Variants in SMG8 observed in about 807,000 individuals in gnomAD.
SMG8 encodes the protein SMG8 nonsense mediated mRNA decay factor.
In SMG8, 49 loss-of-function variants were observed where a neutral mutation model predicts 82.1. The ratio of observed to expected loss-of-function variants is 0.60; its 90% CI spans 0.47 to 0.76. The LOEUF (loss-of-function observed/expected upper bound fraction) is 0.76. Among genes scored for constraint, SMG8 ranks in the 30% least tolerant of loss-of-function variants. SMG8 has a pLI of 0.00. For missense variants in SMG8, 969 were observed against 1,166.4 expected, an observed-to-expected ratio of 0.83 and a Z score of 2.46; for synonymous variants, 404 against 430.0, an observed-to-expected ratio of 0.94 and a Z score of 0.75.
rs138640712 is a variant in SMG8, at chr17:59,214,831, G to T, written c.2805G>T (p.Pro935=). The change falls in exon 4 of 4, where the codon CCG becomes CCT. Residue 935 remains proline (P), a synonymous_variant. Coordinates refer to ENST00000300917, the MANE Select transcript of SMG8 (RefSeq NM_018149.7). ...TTCAGCCAGGCCCACCACCATGTCC[G>T]GTATTCTACCCAGAAAAACAAGAAA... ...PQVQPGPPPC[P]VFYPEKQEIT... is the part of the protein sequence containing the mutation. The T allele has an allele frequency of 5.7e-6, 5 of 872,898 alleles. No individual in the cohort carries two copies. The highest frequency in any genetic ancestry group is 1.0e-5 in the Non-Finnish European group (5 of 501,678). The allele number at this position is 872,898 out of a possible 1,614,324, so 54.1% of individuals were successfully genotyped here.
At position 59,215,147 on chromosome 17, in the gene SMG8, G is replaced by A. The variant is rs1451533703; in HGVS notation, c.*145G>A. 1.7e-6 allele frequency: 1 copy of A among 578,416 alleles called. No individual in the cohort carries two copies. The highest frequency in any genetic ancestry group is 3.1e-6 in the Non-Finnish European group (1 of 326,194). 35.8% of individuals were successfully genotyped at this position (578,416 alleles called of 1,614,324 possible). A position where few individuals can be genotyped will look rare whatever the true frequency, so the allele number is the denominator to read the frequency against. On this transcript the variant is annotated 3_prime_UTR_variant, in exon 4 of 4. Coordinates refer to ENST00000300917, the MANE Select transcript of SMG8 (RefSeq NM_018149.7). ...GAGTTCAGTATTTGGAAACTAATTT[G>A]TTCTACTTTTTCATTATATTGTTGA...
Position 59,212,824 on chromosome 17 carries a change from C to T in SMG8, c.2001C>T (p.Ser667=). The change falls in exon 3 of 4, where the codon TCC becomes TCT. Residue 667 remains serine, a synonymous_variant. Coordinates refer to ENST00000300917, the MANE Select transcript of SMG8 (RefSeq NM_018149.7). The part of the protein sequence containing the change: ...TPDPAPAKNE[S]SPAPPDSDAD... ...ATCCTGCTCCTGCTAAAAATGAATC[C>T]TCTCCTGCTCCTCCAGATTCGGATG... The T allele has an allele frequency of 1.2e-6, 2 of 1,614,010 alleles. No homozygotes were observed. The highest frequency in any genetic ancestry group is 2.2e-5 in the South Asian group (2 of 91,084).
rs2046940801 is a variant in SMG8 at position 59,210,504 on chromosome 17, TCTC to T, written c.457_459del (p.Leu153del). The T allele has an allele frequency of 1.9e-6, 3 of 1,567,922 alleles. No homozygotes were observed. Among genetic ancestry groups the T allele is most frequent in the Admixed American group, 2.0e-5 (1 of 51,252 alleles). ...GTCAGGAAAGCAAAGTTCTGTATCT[TCTC>T]CTCACCTCCATCTGTGACAATTCAC... On this transcript the variant is annotated inframe_deletion, in exon 1 of 4. Coordinates refer to ENST00000300917, the MANE Select transcript of SMG8 (RefSeq NM_018149.7).
At position 59,210,800 on chromosome 17, in the gene SMG8, T is replaced by C; in HGVS notation, c.749T>C (p.Val250Ala). ...AAAACAGCCATTAAGGATTGTCCAG[T>C]TGGCAAAGACTGGAAGCTAAACTGC... ...LLKTAIKDCPVGKDWKLNCRP... is the reference protein window; with the variant it reads ...LLKTAIKDCPAGKDWKLNCRP... The change falls in exon 1 of 4, where the codon GTT becomes GCT. Residue 250 changes from valine to alanine, a missense_variant. Val to Ala is a moderately conservative substitution (Grantham distance 64). Coordinates refer to ENST00000300917, the MANE Select transcript of SMG8 (RefSeq NM_018149.7). The C allele has an allele frequency of 6.2e-7, 1 of 1,614,184 alleles. No homozygotes were observed. The highest frequency in any genetic ancestry group is 8.5e-7 in the Non-Finnish European group (1 of 1,180,050).
rs2046937782 is a variant in SMG8, at chr17:59,210,069, C to CT, written c.20dup (p.Leu7PhefsTer15). 3.2e-6 allele frequency: 5 copies of CT among 1,564,928 alleles called. No homozygotes were observed. The highest frequency in any genetic ancestry group is 4.3e-6 in the Non-Finnish European group (5 of 1,160,248). ...TCTGCACTATGGCTGGTCCCGTGAG[C>CT]TTGCGAGACCTTCTAATGGGAGCAT... is the stretch of plus-strand genomic sequence containing the variant. On this transcript the variant is annotated frameshift_variant, in exon 1 of 4. Transcript: ENST00000300917. LOFTEE classifies it high-confidence loss of function.
Position 59,210,476 on chromosome 17 carries a change from A to G in SMG8, c.425A>G (p.Tyr142Cys), listed in dbSNP as rs373924244. Residue 142 changes from tyrosine to cysteine, a missense_variant, in exon 1 of 4, where the codon TAC becomes TGC. This residue lies in a region of SMG8 where 206 missense variants were observed against 190.5 expected (regional missense o/e 1.08). Transcript: ENST00000300917. The stretch of plus-strand genomic sequence containing the variant: ...GACTACAGCCTTCTGCAGGCCTACT[A>G]CAGTCAGGAAAGCAAAGTTCTGTAT... ...SQDYSLLQAYYSQESKVLYLL... is the reference protein window; with the variant it reads ...SQDYSLLQAYCSQESKVLYLL... 1 of 1,586,266 alleles carries G rather than the reference A, an allele frequency of 6.3e-7. No individual in the cohort carries two copies. The highest frequency in any genetic ancestry group is 1.2e-5 in the South Asian group (1 of 86,518).
At position 59,212,334 on chromosome 17, in the gene SMG8, T is replaced by G. The variant is rs750953727; in HGVS notation, c.1760-7T>G. ...ATGAAATTAATAGTGGCTGTTATAT[T>G]TTCCAGGAGAAAAACCAGAGGCTGA... On this transcript the variant is annotated splice_region_variant and splice_polypyrimidine_tract_variant and intron_variant, in intron 1 of 3. Coordinates refer to ENST00000300917, the MANE Select transcript of SMG8 (RefSeq NM_018149.7). 8 of 1,554,224 alleles carry G rather than the reference T, an allele frequency of 5.1e-6. 1 individual carries two copies. In the South Asian group the frequency reaches 9.7e-5, roughly 19 times the overall value.
rs149250828 is a variant in SMG8 at position 59,211,714 on chromosome 17, T to A, written c.1663T>A (p.Cys555Ser). The change falls in exon 1 of 4, where the codon TGC becomes AGC. Residue 555 changes from cysteine to serine, a missense_variant. Physicochemically the swap from Cys to Ser is moderately radical, Grantham distance 112 (BLOSUM62 -1). Coordinates refer to ENST00000300917, the MANE Select transcript of SMG8 (RefSeq NM_018149.7). ...ATACGCCATGCAGTTACATGAGGAC[T>A]GCTACAAATTTTGGAGCAATGGCCA... ...HKYAMQLHED[C>S]YKFWSNGHQL... 1 of 1,613,818 alleles carries A rather than the reference T, an allele frequency of 6.2e-7. No individual in the cohort carries two copies. The highest frequency in any genetic ancestry group is 2.2e-5 in the East Asian group (1 of 44,872).
In SMG8 at chr17:59,210,584, T is replaced by A; in HGVS notation, c.533T>A (p.Leu178His). 1 of 1,582,430 alleles carries A rather than the reference T, an allele frequency of 6.3e-7. No individual in the cohort carries two copies. Among genetic ancestry groups the A allele is most frequent in the Non-Finnish European group, 8.6e-7 (1 of 1,166,770 alleles). Residue 178 changes from leucine to histidine, a missense_variant, in exon 1 of 4, where the codon CTC becomes CAC. This residue lies in a region of SMG8 where 662 missense variants were observed against 884.8 expected (regional missense o/e 0.75). Transcript: ENST00000300917. ...ALQSGEAGGGLSLPHAEAHEF... is the reference protein window; with the variant it reads ...ALQSGEAGGGHSLPHAEAHEF... Reference sequence around the variant, plus strand: ...CAGAGCGGGGAAGCTGGAGGTGGACTCTCTTTACCTCATGCAGAAGCACAC... The same window carrying A: ...CAGAGCGGGGAAGCTGGAGGTGGACACTCTTTACCTCATGCAGAAGCACAC...
chr17:59,212,779 A>G lies in SMG8; in HGVS notation c.1956A>G (p.Val652=), dbSNP rs1208828395. Residue 652 remains valine, a synonymous_variant, in exon 3 of 4, where the codon GTA becomes GTG. Coordinates refer to ENST00000300917, the MANE Select transcript of SMG8 (RefSeq NM_018149.7). ...AATTGGATCATATCAATTTCCCAGTATTTGAACCAAGTACTCCAGATCCTG... is the reference window on the plus strand; with the variant it reads ...AATTGGATCATATCAATTTCCCAGTGTTTGAACCAAGTACTCCAGATCCTG... ...CGKLDHINFP[V]FEPSTPDPAP... The G allele has an allele frequency of 1.2e-6, 2 of 1,613,396 alleles. No homozygotes were observed. The highest frequency in any genetic ancestry group is 4.5e-5 in the East Asian group (2 of 44,882).
chr17:59,212,768 A>C lies in SMG8; in HGVS notation c.1945A>C (p.Asn649His). 1 of 1,610,328 alleles carries C rather than the reference A, an allele frequency of 6.2e-7. No individual in the cohort carries two copies. Among genetic ancestry groups the C allele is most frequent in the Non-Finnish European group, 8.5e-7 (1 of 1,179,200 alleles). Residue 649 changes from asparagine (N) to histidine (H), a missense_variant, in exon 3 of 4, where the codon AAT (asparagine) becomes CAT (histidine). This residue lies in a region of SMG8 where 662 missense variants were observed against 884.8 expected (regional missense o/e 0.75). Transcript: ENST00000300917. ...EKCCGKLDHINFPVFEPSTPD... is the reference protein window; with the variant it reads ...EKCCGKLDHIHFPVFEPSTPD... ...GTGTTGTGGAAAATTGGATCATATCAATTTCCCAGTATTTGAACCAAGTAC... is the reference window on the plus strand; with the variant it reads ...GTGTTGTGGAAAATTGGATCATATCCATTTCCCAGTATTTGAACCAAGTAC...
chr17:59,214,977 G>T lies in SMG8; in HGVS notation c.2951G>T (p.Gly984Val). ...VQLMSYKVLR[G>V]VLKAVTQ ...TTAATGAGCTACAAGGTGCTCCGTGGGGTTCTTAAGGCAGTAACACAATAA... is the reference window on the plus strand; with the variant it reads ...TTAATGAGCTACAAGGTGCTCCGTGTGGTTCTTAAGGCAGTAACACAATAA... The change falls in exon 4 of 4, where the codon GGG becomes GTG. Residue 984 changes from glycine (G) to valine (V), a missense_variant. Coordinates refer to ENST00000300917, the MANE Select transcript of SMG8 (RefSeq NM_018149.7). The T allele has an allele frequency of 1.1e-6, 1 of 872,818 alleles. No homozygotes were observed. The highest frequency in any genetic ancestry group is 2.0e-6 in the Non-Finnish European group (1 of 501,652). 54.1% of individuals were successfully genotyped at this position (872,818 alleles called of 1,614,324 possible).
In SMG8 at chr17:59,212,498, A is replaced by G; in HGVS notation, c.1905+12A>G. On this transcript the variant is annotated intron_variant, in intron 2 of 3. Transcript: ENST00000300917. ...ATGACTTCTATCAGGTAGACTCTGA[A>G]TTTTTTCTTCTTCCTCTTCTGTCTT... 1 of 1,586,794 alleles carries G rather than the reference A, an allele frequency of 6.3e-7. No homozygotes were observed. Among genetic ancestry groups the G allele is most frequent in the Non-Finnish European group, 8.6e-7 (1 of 1,162,262 alleles).
chr17:59,213,743 T>TC, intron 3 of SMG8, 142 bp downstream of exon 3: 2 of 1,125,458 alleles, frequency 1.8e-6, no homozygotes, highest in Non-Finnish European at 2.5e-6. Context: ...TCCCAGAACT[T>TC]TGGGAGGCCA....
chr17:59,210,777 A>G lies in SMG8; in HGVS notation c.726A>G (p.Lys242=). The change falls in exon 1 of 4, where the codon AAA becomes AAG. Residue 242 remains lysine (K), a synonymous_variant. Transcript: ENST00000300917. ...GLRQKVLPLL[K]TAIKDCPVGK... is the part of the protein sequence containing the mutation. ...GACAGAAGGTCCTGCCGCTCCTTAA[A>G]ACAGCCATTAAGGATTGTCCAGTTG... The G allele has an allele frequency of 2.5e-6, 4 of 1,614,168 alleles. No homozygotes were observed. The highest frequency in any genetic ancestry group is 3.4e-6 in the Non-Finnish European group (4 of 1,180,034).
Position 59,213,292 on chromosome 17 carries a change from T to C in SMG8, c.2469T>C (p.Ala823=). 6.2e-7 allele frequency: 1 copy of C among 1,614,184 alleles called. No individual in the cohort carries two copies. Among genetic ancestry groups the C allele is most frequent in the Non-Finnish European group, 8.5e-7 (1 of 1,180,042 alleles). ...DTNSWPAPNK[A]IPGKRSAVVM... Reference sequence around the variant, plus strand: ...ACTCTTGGCCTGCTCCAAATAAAGCTATTCCTGGAAAGAGAAGTGCGGTTG... The same window carrying C: ...ACTCTTGGCCTGCTCCAAATAAAGCCATTCCTGGAAAGAGAAGTGCGGTTG... The change falls in exon 3 of 4, where the codon GCT becomes GCC. Residue 823 remains alanine, a synonymous_variant. Coordinates refer to ENST00000300917, the MANE Select transcript of SMG8 (RefSeq NM_018149.7).
Position 59,212,482 on chromosome 17 carries a change from A to G in SMG8, c.1901A>G (p.Tyr634Cys). The change falls in exon 2 of 4, where the codon TAT (tyrosine) becomes TGT (cysteine). Residue 634 changes from tyrosine to cysteine, a missense_variant. Tyr to Cys is a radical substitution (Grantham distance 194). This residue lies in a region of SMG8 where 662 missense variants were observed against 884.8 expected (regional missense o/e 0.75). Transcript: ENST00000300917. The part of the protein sequence containing the change: ...FDIKAANYDF[Y>C]QLLEEKCCGK... The stretch of plus-strand genomic sequence containing the variant: ...ATCAAAGCAGCCAATTATGACTTCT[A>G]TCAGGTAGACTCTGAATTTTTTCTT... 4 of 1,598,934 alleles carry G rather than the reference A, an allele frequency of 2.5e-6. No homozygotes were observed. The highest frequency in any genetic ancestry group is 3.4e-6 in the Non-Finnish European group (4 of 1,168,796).
In SMG8 at chr17:59,210,222, T is replaced by A. The variant is rs1425214876; in HGVS notation, c.171T>A (p.Ala57=). 6.2e-7 allele frequency: 1 copy of A among 1,607,966 alleles called. No individual in the cohort carries two copies. The highest frequency in any genetic ancestry group is 8.5e-7 in the Non-Finnish European group (1 of 1,177,152). The change falls in exon 1 of 4, where the codon GCT becomes GCA. Residue 57 remains alanine (A), a synonymous_variant. Transcript: ENST00000300917. ...ICVVGIFGKT[A]LRLNSEKFSL... is the part of the protein sequence containing the mutation. ...TTGTGGGAATCTTCGGCAAGACGGC[T>A]CTACGCCTGAATTCCGAGAAGTTCT... is the stretch of plus-strand genomic sequence containing the variant.
At position 59,210,102 on chromosome 17, in the gene SMG8, G is replaced by C; in HGVS notation, c.51G>C (p.Trp17Cys). ...LRDLLMGASA[W>C]MGSESPGGSP... ...ACCTTCTAATGGGAGCATCAGCCTG[G>C]ATGGGCTCTGAAAGTCCCGGAGGGT... is the stretch of plus-strand genomic sequence containing the variant. The change falls in exon 1 of 4, where the codon TGG (tryptophan) becomes TGC (cysteine). Residue 17 changes from tryptophan to cysteine, a missense_variant. Trp to Cys is a radical substitution (Grantham distance 215). Coordinates refer to ENST00000300917, the MANE Select transcript of SMG8 (RefSeq NM_018149.7). The C allele has an allele frequency of 6.3e-7, 1 of 1,584,844 alleles. No individual in the cohort carries two copies. The highest frequency in any genetic ancestry group is 8.6e-7 in the Non-Finnish European group (1 of 1,167,898).
Sources: allele counts gnomAD v4.1 joint callset, GRCh38; gene constraint gnomAD v4.1.1; regional missense constraint gnomAD v4.1.1; transcripts MANE v1.5; gene names NCBI Gene and HGNC (gene_info 2026-07-23, HGNC 2026-07-21).